The following MTARC2 variants were observed in gnomAD, a reference collection of about 807,000 sequenced individuals.
The protein encoded by MTARC2 is mitochondrial amidoxime reducing component 2, also known as MOCO sulphurase C-terminal domain containing 2.
In MTARC2, 27 loss-of-function variants were observed where a neutral mutation model predicts 35.6. The observed-to-expected ratio is 0.76, with a 90% CI of 0.56 to 1.04. MTARC2 has a LOEUF of 1.04. Among genes scored for constraint, MTARC2 ranks in the 50% least tolerant of loss-of-function variants. MTARC2 has a pLI of 0.00. For missense variants in MTARC2, 412 were observed against 432.5 expected, an observed-to-expected ratio of 0.95 and a Z score of 0.42; for synonymous variants, 158 against 167.1, an observed-to-expected ratio of 0.95 and a Z score of 0.42.
chr1:220,756,026 C>T (rs1671268223), intron 2 of MTARC2, among the ~76,000 whole-genome samples: 1 of 152,196 alleles, frequency 6.6e-6, no homozygotes, highest in Admixed American at 6.5e-5. Flanking sequence ...CAAGTTGACT[C>T]TGCGGCCTCT....
intron 4 of MTARC2, among the ~76,000 whole-genome samples, chr1:220,768,512 T>C (rs1342347757): frequency 6.6e-6 from 1 of 152,136 alleles, no homozygotes; most frequent in African/African-American, 2.4e-5. Context: ...AGTGAGGACT[T>C]GCACTGTGGC....
At chr1:220,776,170 C>T (rs1671906229) in intron 4 of MTARC2, among the ~76,000 whole-genome samples, 1 of 152,148 alleles carries the variant, frequency 6.6e-6, no homozygotes, top group East Asian at 1.9e-4. Context: ...CCCTTTTCTC[C>T]ACAGCCTCGC....
intron 4 of MTARC2, among the ~76,000 whole-genome samples, chr1:220,764,599 T>A (rs958783523): frequency 6.6e-6 from 1 of 151,972 alleles, no homozygotes; most frequent in African/African-American, 2.4e-5. Flanking sequence ...CCAGCCTGGA[T>A]AACATGGCAA....
At chr1:220,780,124 A>G in intron 5 of MTARC2, 44 bp from the exon 6 acceptor site, 2 of 1,607,814 alleles carry the variant, frequency 1.2e-6, no homozygotes, top group Non-Finnish European at 1.7e-6. Flanking sequence ...TGGCCCATTC[A>G]TTGGTTCCTA....
chr1:220,784,129 G>T lies in MTARC2; in HGVS notation c.*242G>T, dbSNP rs904756718. ...TATATATAAATTTTAGGTACTGAAG[G>T]CTTTAAAAATAATTAAGATCATCAA... On this transcript the variant is annotated 3_prime_UTR_variant, in exon 8 of 8. Coordinates refer to ENST00000366913, the MANE Select transcript of MTARC2 (RefSeq NM_017898.5). 3.7e-5 allele frequency: 18 copies of T among 485,638 alleles called. No individual in the cohort carries two copies. The highest frequency in any genetic ancestry group is 6.4e-5 in the Non-Finnish European group (17 of 267,376). 30.1% of individuals were successfully genotyped at this position (485,638 alleles called of 1,614,324 possible).
intron 4 of MTARC2, among the ~76,000 whole-genome samples, chr1:220,778,406 C>T (rs1488064161): frequency 6.6e-6 from 1 of 152,044 alleles, no homozygotes; most frequent in Non-Finnish European, 1.5e-5. Flanking sequence ...ATGGCAGAAG[C>T]GGAAGCAAGA....
chr1:220,752,360 TAGTG>T (rs1671146153), intron 1 of MTARC2, among the ~76,000 whole-genome samples: 2 of 152,152 alleles, frequency 1.3e-5, no homozygotes, highest in Admixed American at 1.3e-4. Context: ...GTGAAGGCTT[TAGTG>T]AGGCTAACCA....
chr1:220,766,826 T>C (rs535971029), intron 4 of MTARC2, among the ~76,000 whole-genome samples: 161 of 148,340 alleles, frequency 1.1e-3, no homozygotes, highest in African/African-American at 3.7e-3. Flanking sequence ...TCTTCTTCTT[T>C]TTTTTTTTAA....
intron 4 of MTARC2, among the ~76,000 whole-genome samples, chr1:220,767,472 G>C (rs935408044): frequency 6.6e-6 from 1 of 152,186 alleles, no homozygotes; most frequent in African/African-American, 2.4e-5. Flanking sequence ...GTGTAGCTCA[G>C]AATATTAAAC....
At chr1:220,783,473 G>T (rs1359299731) in intron 7 of MTARC2, among the ~76,000 whole-genome samples, 1 of 152,178 alleles carries the variant, frequency 6.6e-6, no homozygotes, top group Non-Finnish European at 1.5e-5. Context: ...GCTTTCATGT[G>T]TTCTCTGCAT....
At position 220,761,762 on chromosome 1, in the gene MTARC2, C is replaced by T. The variant is rs749948440; in HGVS notation, c.551C>T (p.Thr184Ile). Residue 184 changes from threonine to isoleucine, a missense_variant, in exon 3 of 8, where the codon ACA becomes ATA. By Grantham distance (89) the Thr-to-Ile change is moderately conservative (BLOSUM62 -1). Coordinates refer to ENST00000366913, the MANE Select transcript of MTARC2 (RefSeq NM_017898.5). ...GCGTATAGATTGGTTCAATTTGAGA[C>T]AAACATGAAGGGAAGAACATCAAGA... ...TEAYRLVQFE[T>I]NMKGRTSRKL... is the part of the protein sequence containing the mutation. 2.5e-6 allele frequency: 4 copies of T among 1,613,830 alleles called. No homozygotes were observed. The highest frequency in any genetic ancestry group is 2.7e-5 in the African/African-American group (2 of 75,036).
intron 2 of MTARC2, among the ~76,000 whole-genome samples, chr1:220,755,758 G>A (rs1412459758): frequency 6.6e-6 from 1 of 152,222 alleles, no homozygotes; most frequent in Non-Finnish European, 1.5e-5. Context: ...GAATTGGTCA[G>A]CCCTGGAAGA....
At chr1:220,783,228 GTGATGCAT>G (rs1672130088) in intron 7 of MTARC2, among the ~76,000 whole-genome samples, 1 of 151,636 alleles carries the variant, frequency 6.6e-6, no homozygotes, top group African/African-American at 2.4e-5. Flanking sequence ...AAAATTATCA[GTGATGCAT>G]ATAATAATGG....
At chr1:220,765,633 T>G (rs1671559843) in intron 4 of MTARC2, among the ~76,000 whole-genome samples, 1 of 152,070 alleles carries the variant, frequency 6.6e-6, no homozygotes, top group Admixed American at 6.6e-5. Flanking sequence ...AGTACAGTGG[T>G]GCAATCACGG....
intron 4 of MTARC2, among the ~76,000 whole-genome samples, chr1:220,779,153 C>T (rs58477842): frequency 0.016 from 2,497 of 152,176 alleles, 81 homozygotes; most frequent in African/African-American, 0.057. Context: ...CAATATAATC[C>T]ATATAACCAC....
At chr1:220,781,461 G>T (rs1371788206) in intron 6 of MTARC2, among the ~76,000 whole-genome samples, 1 of 152,110 alleles carries the variant, frequency 6.6e-6, no homozygotes, top group Non-Finnish European at 1.5e-5. Context: ...GAGTTTTAGG[G>T]GCATTTGTTT....
At chr1:220,769,032 GA>G (rs1420263574) in intron 4 of MTARC2, among the ~76,000 whole-genome samples, 1 of 152,212 alleles carries the variant, frequency 6.6e-6, no homozygotes, top group Non-Finnish European at 1.5e-5. Flanking sequence ...GGAGTGGATG[GA>G]GTAGGAATAC....
chr1:220,748,663 G>A lies in MTARC2; in HGVS notation c.132G>A (p.Trp44Ter), dbSNP rs774180574. The change falls in exon 1 of 8, where the codon TGG becomes TGA. Residue 44 changes from tryptophan (W) to a stop codon, truncating the protein, a stop_gained. Coordinates refer to ENST00000366913, the MANE Select transcript of MTARC2 (RefSeq NM_017898.5). LOFTEE classifies it high-confidence loss of function. Reference sequence around the variant, plus strand: ...GGACTGTCGCCTGGCGCCGCGCATGGCCCAGGCGGCGCCGGCGGCTGCAGC... The same window carrying A: ...GGACTGTCGCCTGGCGCCGCGCATGACCCAGGCGGCGCCGGCGGCTGCAGC... ...ALGTVAWRRA[W>*]PRRRRRLQQV... The A allele has an allele frequency of 3.8e-6, 6 of 1,574,144 alleles. No individual in the cohort carries two copies. The African/African-American group carries it at 5.5e-5, about 14-fold the overall frequency.
Position 220,761,712 on chromosome 1 carries a change from G to A in MTARC2, c.501G>A (p.Trp167Ter). Residue 167 changes from tryptophan (W) to a stop codon, truncating the protein, a stop_gained, in exon 3 of 8, where the codon TGG becomes TGA. Coordinates refer to ENST00000366913, the MANE Select transcript of MTARC2 (RefSeq NM_017898.5). LOFTEE classifies it high-confidence loss of function. ...GRDCGNEAAK[W>*]FTNFLKTEAY... ...ACTGTGGCAATGAGGCAGCTAAGTG[G>A]TTCACCAACTTCTTGAAAACTGAAG... 1 of 1,614,140 alleles carries A rather than the reference G, an allele frequency of 6.2e-7. No homozygotes were observed. The highest frequency in any genetic ancestry group is 8.5e-7 in the Non-Finnish European group (1 of 1,180,018).
Sources: gnomAD v4.1 joint callset for allele counts (sites outside exome capture counted in the v4.1 genomes callset) on GRCh38, gnomAD v4.1.1 for gene constraint, MANE v1.5 for transcripts, NCBI Gene and HGNC (gene_info 2026-07-23, HGNC 2026-07-21) for gene names.